ITGB2: variants seen among roughly 807,000 people sequenced by gnomAD.
ITGB2 encodes integrin subunit beta 2, also known as integrin beta-2.
ITGB2 carries 56 observed loss-of-function variants against 86.8 expected under a neutral mutation model. The observed-to-expected ratio is 0.65, with a 90% confidence interval of 0.52 to 0.81. ITGB2 has a LOEUF of 0.81. Ranked by LOEUF, ITGB2 falls within the 30% of genes least tolerant of loss-of-function variation. The pLI is 0.00. For missense variants in ITGB2, 948 were observed against 1,061.2 expected, an observed-to-expected ratio of 0.89 and a Z score of 1.48; for synonymous variants, 457 against 450.4, an observed-to-expected ratio of 1.01 and a Z score of -0.19.
At position 44,893,548 on chromosome 21, in the gene ITGB2, C is replaced by G. The variant is rs747141875; in HGVS notation, c.1084-4G>C. 3 of 1,613,612 alleles carry G rather than the reference C, an allele frequency of 1.9e-6. No homozygotes were observed. The highest frequency in any genetic ancestry group is 1.1e-5 in the South Asian group (1 of 91,076). ...GGAAGACCCTGGAGGAGAGTTTCTG[C>G]GGGCAGAGAGCGGTTACTCTTGGGG... On this transcript the variant is annotated splice_polypyrimidine_tract_variant and splice_region_variant and intron_variant, in intron 9 of 15. Coordinates refer to ENST00000652462, the MANE Select transcript of ITGB2 (RefSeq NM_000211.5).
At chr21:44,915,299 C>T (rs2084191942) in intron 1 of ITGB2, among the ~76,000 whole-genome samples, 1 of 152,196 alleles carries the variant, frequency 6.6e-6, no homozygotes, top group African/African-American at 2.4e-5. Flanking sequence ...GCTGGGATTA[C>T]AGGCGTGAGC....
At chr21:44,916,174 G>T (rs915207383) in intron 1 of ITGB2, among the ~76,000 whole-genome samples, 21 of 152,054 alleles carry the variant, frequency 1.4e-4, no homozygotes, top group Non-Finnish European at 2.8e-4. Context: ...GCCTGCCTCG[G>T]CCTCCCAAAG....
At chr21:44,893,666 T>A in intron 9 of ITGB2, 122 bp from the exon 10 acceptor site, 2 of 1,317,442 alleles carry the variant, frequency 1.5e-6, no homozygotes, top group Admixed American at 1.8e-5. Flanking sequence ...TGTCAGCTAA[T>A]GACACAGAGG....
intron 7 of ITGB2, among the ~76,000 whole-genome samples, chr21:44,899,517 G>T (rs917498550): frequency 7.2e-5 from 11 of 151,884 alleles, no homozygotes; most frequent in African/African-American, 2.7e-4. Context: ...TGTCAGGTGC[G>T]GCTCTCCCTA....
chr21:44,926,211 T>C (rs945101296), intron 1 of ITGB2, among the ~76,000 whole-genome samples: 2 of 133,420 alleles, frequency 1.5e-5, no homozygotes, highest in East Asian at 2.0e-4. Context: ...CCCAGAGCCG[T>C]GACCTTGCTA....
chr21:44,892,201 T>C (rs1304504056), intron 10 of ITGB2, among the ~76,000 whole-genome samples: 1 of 152,168 alleles, frequency 6.6e-6, no homozygotes, highest in Non-Finnish European at 1.5e-5. Flanking sequence ...ACTCCCGCAC[T>C]GGCCGGCACC....
At chr21:44,913,920 A>G (rs954360508) in intron 1 of ITGB2, among the ~76,000 whole-genome samples, 12 of 152,192 alleles carry the variant, frequency 7.9e-5, no homozygotes, top group Non-Finnish European at 1.6e-4. Flanking sequence ...GTGCCTGGCC[A>G]CTGTCACCTC....
chr21:44,892,450 T>C (rs945960301), intron 10 of ITGB2, among the ~76,000 whole-genome samples: 3 of 152,050 alleles, frequency 2.0e-5, no homozygotes, highest in African/African-American at 4.8e-5. Context: ...CGAAACTCTG[T>C]CTCTACTAAA....
intron 1 of ITGB2, among the ~76,000 whole-genome samples, chr21:44,920,457 G>A (rs972066344): frequency 1.3e-5 from 2 of 152,142 alleles, no homozygotes; most frequent in African/African-American, 4.8e-5. Context: ...CACAGAGGAG[G>A]CCCCGGGAAC....
intron 8 of ITGB2, 27 bp downstream of exon 8, chr21:44,899,040 G>A (rs1444075841): frequency 3.2e-6 from 5 of 1,569,358 alleles, no homozygotes; most frequent in South Asian, 1.1e-5. Context: ...CCCACCCAAT[G>A]GATGCTCGGG....
exon 1 of ITGB2, chr21:44,928,793 G>T: frequency 5.7e-6 from 1 of 174,530 alleles, no homozygotes; most frequent in Non-Finnish European, 1.2e-5. Flanking sequence ...ACTTCTTTGG[G>T]GATGTGTCTC....
upstream of ITGB2, chr21:44,921,177 GGAA>G (rs911174988): frequency 2.0e-5 from 3 of 152,332 alleles, no homozygotes; most frequent in Non-Finnish European, 2.9e-5. Flanking sequence ...GCACCCATTA[GGAA>G]GAAGAACACA....
intron 3 of ITGB2, among the ~76,000 whole-genome samples, chr21:44,909,859 G>A (rs2084102220): frequency 6.6e-6 from 1 of 152,206 alleles, no homozygotes; most frequent in Admixed American, 6.5e-5. Context: ...CCTGGATTCT[G>A]ATAAGGGCTG....
intron 6 of ITGB2, 23 bp from the exon 7 acceptor site, chr21:44,900,498 A>G (rs369248881): frequency 5.6e-6 from 9 of 1,612,516 alleles, no homozygotes; most frequent in African/African-American, 1.3e-5. Context: ...CGTGGGGGGC[A>G]GGGTTACCTG....
At chr21:44,910,156 C>G in intron 3 of ITGB2, 128 bp downstream of exon 3, 1 of 1,227,780 alleles carries the variant, frequency 8.1e-7, no homozygotes, top group Non-Finnish European at 1.1e-6. Flanking sequence ...AGGGTGAGGC[C>G]AGGGTCTGGG....
At chr21:44,903,031 G>A (rs535257390) in intron 5 of ITGB2, among the ~76,000 whole-genome samples, 2 of 152,304 alleles carry the variant, frequency 1.3e-5, no homozygotes, top group African/African-American at 2.4e-5. Context: ...TCGCTGTGCC[G>A]TCTATATGTG....
chr21:44,897,128 T>G (rs2083881528), intron 8 of ITGB2, among the ~76,000 whole-genome samples: 1 of 151,968 alleles, frequency 6.6e-6, no homozygotes, highest in African/African-American at 2.4e-5. Context: ...ATCCCGTGTC[T>G]CCCGCAGGGT....
upstream of ITGB2, among the ~76,000 whole-genome samples, chr21:44,922,115 A>T (rs2084314179): frequency 2.0e-5 from 3 of 152,242 alleles, no homozygotes; most frequent in Admixed American, 2.0e-4. Flanking sequence ...TGGGCAAAGA[A>T]ATAAGTAAAA....
intron 14 of ITGB2, among the ~76,000 whole-genome samples, chr21:44,888,346 A>G (rs1601279950): frequency 1.3e-5 from 2 of 152,364 alleles, no homozygotes; most frequent in South Asian, 4.1e-4. Flanking sequence ...GGGACCTGCA[A>G]CTGCAAGCCT....
Sources: allele counts gnomAD v4.1 joint callset (sites outside exome capture counted in the v4.1 genomes callset), GRCh38; gene constraint gnomAD v4.1.1; transcripts MANE v1.5; gene names NCBI Gene and HGNC (gene_info 2026-07-23, HGNC 2026-07-21).